Variants in CACNA1E observed in about 807,000 individuals in gnomAD.
The protein encoded by CACNA1E is calcium voltage-gated channel subunit alpha1 E.
In CACNA1E, 40 loss-of-function variants were observed where a neutral mutation model predicts 259.2. That is an observed-to-expected ratio of 0.15 (90% CI 0.12 to 0.20). The LOEUF (loss-of-function observed/expected upper bound fraction) is 0.20, where lower values mean the gene tolerates loss of function less well. Among genes scored for constraint, CACNA1E ranks in the 10% least tolerant of loss-of-function variants. CACNA1E has a pLI of 1.00. For missense variants in CACNA1E, 1,874 were observed against 3,040.1 expected (o/e 0.62, Z 9.02); for synonymous variants, 1,104 against 1,138.5 (o/e 0.97, Z 0.61).
chr1:181,762,744 C>G (rs1310372365), intron 33 of CACNA1E, 87 bp downstream of exon 33: 20 of 778,524 alleles, frequency 2.6e-5, no homozygotes, highest in Non-Finnish European at 4.3e-5. Context: ...CCATTTTTAA[C>G]CCACCAAAGC....
At chr1:181,765,301 G>A (rs1025236892) in intron 34 of CACNA1E, among the ~76,000 whole-genome samples, 8 of 152,212 alleles carry the variant, frequency 5.3e-5, no homozygotes, top group African/African-American at 1.9e-4. Context: ...TACATTGGGA[G>A]TAGGGAGAGA....
intron 3 of CACNA1E, among the ~76,000 whole-genome samples, chr1:181,558,990 C>T (rs1201570335): frequency 2.0e-4 from 31 of 152,182 alleles, no homozygotes; most frequent in Admixed American, 2.0e-3. Context: ...GAGAATAAAA[C>T]AGTCACGTGT....
At chr1:181,797,673 A>G (rs1030599910) in intron 47 of CACNA1E, among the ~76,000 whole-genome samples, 1 of 152,182 alleles carries the variant, frequency 6.6e-6, no homozygotes. Context: ...TAGGTCACAC[A>G]TACCTTAAGA....
intron 32 of CACNA1E, among the ~76,000 whole-genome samples, 190 bp from the exon 33 acceptor site, chr1:181,762,384 A>T (rs1658659649): frequency 6.6e-6 from 1 of 152,228 alleles, no homozygotes; most frequent in Non-Finnish European, 1.5e-5. Context: ...AGAAATTTCC[A>T]GATTAGTAAA....
intron 2 of CACNA1E, among the ~76,000 whole-genome samples, chr1:181,447,564 G>A (rs192081457): frequency 4.6e-5 from 7 of 151,072 alleles, no homozygotes; most frequent in East Asian, 1.9e-4. Context: ...TTAAATCTAC[G>A]TATAGATAGT....
At chr1:181,754,606 GTCTATTGGTCTTTCCCACATTACT>G (rs976983910) in intron 27 of CACNA1E, among the ~76,000 whole-genome samples, 1 of 152,182 alleles carries the variant, frequency 6.6e-6, no homozygotes, top group Admixed American at 6.5e-5. Context: ...AAGAGAAGGT[GTCTATTGGTCTTTCCCACATTACT>G]TCTATTGGTC....
chr1:181,718,817 A>G (rs185174545), intron 12 of CACNA1E, among the ~76,000 whole-genome samples: 56 of 152,330 alleles, frequency 3.7e-4, no homozygotes, highest in African/African-American at 1.2e-3. Context: ...CAGGAGTCCT[A>G]TGAACTACAT....
At position 181,692,917 on chromosome 1, in the gene CACNA1E, C is replaced by T. The variant is rs139804759; in HGVS notation, c.1056-18037C>T. Among the ~76,000 whole-genome samples the T allele has an allele frequency of 9.2e-5, 14 of 152,006 alleles. No homozygotes were observed. The East Asian group carries it at 9.7e-4, about 11-fold the overall frequency. ...TATGCATCCAACAAAGGTCTAATAT[C>T]CAGAATCTCTAGGAACATAAACAAT... On this transcript the variant is annotated intron_variant, in intron 7 of 47. Transcript: ENST00000367573.
chr1:181,764,864 A>C (rs1312017674), intron 34 of CACNA1E, among the ~76,000 whole-genome samples: 1 of 152,142 alleles, frequency 6.6e-6, no homozygotes, highest in African/African-American at 2.4e-5. Flanking sequence ...ATATTATCAC[A>C]ATCACCAAGT....
At chr1:181,784,625 GTCTAT>G in intron 40 of CACNA1E, 31 bp from the exon 41 acceptor site, 1 of 1,397,906 alleles carries the variant, frequency 7.2e-7, no homozygotes, top group Non-Finnish European at 9.9e-7. Context: ...TTATTTCTGG[GTCTAT>G]TCTATTTATT....
At chr1:181,666,767 T>C (rs1648277207) in intron 7 of CACNA1E, among the ~76,000 whole-genome samples, 1 of 151,994 alleles carries the variant, frequency 6.6e-6, no homozygotes, top group African/African-American at 2.4e-5. Flanking sequence ...TGTATATATA[T>C]GAATTTACAG....
chr1:181,382,233 G>A (rs58676973), intron 1 of CACNA1E, among the ~76,000 whole-genome samples: 3,340 of 152,282 alleles, frequency 0.022, 133 homozygotes, highest in African/African-American at 0.074. Context: ...GACCCAAACT[G>A]TTCTCAGAAC....
intron 1 of CACNA1E, among the ~76,000 whole-genome samples, chr1:181,343,412 A>C (rs959899199): frequency 6.6e-6 from 1 of 151,852 alleles, no homozygotes; most frequent in East Asian, 1.9e-4. Flanking sequence ...TTCACGTGAG[A>C]TCTGGTTGTC....
rs1401356317 is a variant in CACNA1E at position 181,801,669 on chromosome 1, A to G, written c.*2835A>G. ...GGGTGTCAGAGTCTGCCTCCCTTGA[A>G]AAGAGGCCCCTGTAGACCCCAACAC... On this transcript the variant is annotated 3_prime_UTR_variant, in exon 48 of 48. Transcript: ENST00000367573. 1.3e-5 allele frequency: 2 copies of G among 152,168 alleles called. No individual in the cohort carries two copies. Among genetic ancestry groups the G allele is most frequent in the Admixed American group, 6.5e-5 (1 of 15,278 alleles). 9.4% of individuals were successfully genotyped at this position (152,168 alleles called of 1,614,324 possible). A position where few individuals can be genotyped will look rare whatever the true frequency, so the allele number is the denominator to read the frequency against.
rs188542431 is a variant in CACNA1E, at chr1:181,574,693, A to G, written c.513-3073A>G. Among the ~76,000 whole-genome samples the G allele has an allele frequency of 1.1e-4, 16 of 152,266 alleles. 1 individual carries two copies. In the East Asian group the frequency reaches 3.1e-3, roughly 29 times the overall value. On this transcript the variant is annotated intron_variant, in intron 3 of 47. Transcript: ENST00000367573. ...GGAGGTGGACACGTTATGGGAGCAC[A>G]GAATAAGGCTATTTTCCTTTATTGT...
intron 6 of CACNA1E, among the ~76,000 whole-genome samples, chr1:181,625,491 C>T (rs1354161394): frequency 6.6e-6 from 1 of 152,172 alleles, no homozygotes; most frequent in East Asian, 1.9e-4. Flanking sequence ...CTTGCTACTT[C>T]ACCTTGCACT....
At chr1:181,745,802 CAA>C (rs1318931610) in intron 25 of CACNA1E, among the ~76,000 whole-genome samples, 1 of 152,124 alleles carries the variant, frequency 6.6e-6, no homozygotes, top group Non-Finnish European at 1.5e-5. Context: ...TAGAATAAGA[CAA>C]AAGAGACAAC....
chr1:181,420,176 C>G (rs1199119346), intron 2 of CACNA1E, among the ~76,000 whole-genome samples: 1 of 152,232 alleles, frequency 6.6e-6, no homozygotes, highest in East Asian at 1.9e-4. Context: ...GAGTCAGGAC[C>G]CTGGTGATAG....
At chr1:181,455,399 T>A (rs1208126405) in intron 2 of CACNA1E, among the ~76,000 whole-genome samples, 1 of 152,176 alleles carries the variant, frequency 6.6e-6, no homozygotes, top group Non-Finnish European at 1.5e-5. Flanking sequence ...TTGGGGAGGC[T>A]TCCTCTTGAG....
Sources: gnomAD v4.1 joint callset for allele counts (sites outside exome capture counted in the v4.1 genomes callset) on GRCh38, gnomAD v4.1.1 for gene constraint, MANE v1.5 for transcripts, NCBI Gene and HGNC (gene_info 2026-07-23, HGNC 2026-07-21) for gene names.